Variants in TCF12 observed in about 807,000 individuals in gnomAD.
The protein encoded by TCF12 is DNA-binding protein HTF4.
TCF12 carries 45 observed loss-of-function variants against 86.0 expected under a neutral mutation model. That is an observed-to-expected ratio of 0.52 (90% CI 0.41 to 0.67). The LOEUF is 0.67. Among genes scored for constraint, TCF12 ranks in the 30% least tolerant of loss-of-function variants. The pLI, the probability that TCF12 is intolerant of heterozygous loss-of-function variation, is 0.00. For synonymous variants in TCF12, 330 were observed against 299.6 expected, an observed-to-expected ratio of 1.10 and a Z score of -1.05; for missense variants, 881 against 859.9, an observed-to-expected ratio of 1.02 and a Z score of -0.31.
At chr15:57,040,876 A>G (rs2066853902) in intron 3 of TCF12, among the ~76,000 whole-genome samples, 1 of 152,150 alleles carries the variant, frequency 6.6e-6, no homozygotes, top group Non-Finnish European at 1.5e-5. Flanking sequence ...TGTGAATGTT[A>G]TTATAGTCAA....
At chr15:57,129,238 A>C (rs1204586009) in intron 5 of TCF12, among the ~76,000 whole-genome samples, 2 of 152,184 alleles carry the variant, frequency 1.3e-5, no homozygotes, top group Admixed American at 1.3e-4. Context: ...TGAAAACCTC[A>C]CTGAGGTTTT....
At chr15:57,069,279 A>G (rs1271693813) in intron 4 of TCF12, among the ~76,000 whole-genome samples, 3 of 152,242 alleles carry the variant, frequency 2.0e-5, no homozygotes, top group African/African-American at 7.2e-5. Context: ...AGGCATCATC[A>G]GTGATCAAGA....
At chr15:57,080,789 C>G (rs2070571886) in intron 4 of TCF12, among the ~76,000 whole-genome samples, 1 of 152,156 alleles carries the variant, frequency 6.6e-6, no homozygotes. Context: ...TAATTCTTAA[C>G]TATAATTGCC....
intron 5 of TCF12, among the ~76,000 whole-genome samples, chr15:57,159,715 A>ATACGATC (rs11281583): frequency 6.6e-6 from 1 of 152,046 alleles, no homozygotes; most frequent in African/African-American, 2.4e-5. Context: ...AACCAGTCTA[A>ATACGATC]TACTTAAATT....
chr15:57,088,454 T>C (rs1422499225), intron 4 of TCF12, among the ~76,000 whole-genome samples: 1 of 152,054 alleles, frequency 6.6e-6, no homozygotes, highest in Non-Finnish European at 1.5e-5. Flanking sequence ...CATGGATGAT[T>C]ACATACATAC....
chr15:57,249,084 ATAAT>A (rs1257484128), intron 13 of TCF12, among the ~76,000 whole-genome samples: 2 of 152,194 alleles, frequency 1.3e-5, no homozygotes, highest in African/African-American at 4.8e-5. Flanking sequence ...TTCTTTTTTA[ATAAT>A]TAAAGGTATT....
intron 6 of TCF12, among the ~76,000 whole-genome samples, chr15:57,187,590 G>C (rs540721641): frequency 6.6e-6 from 1 of 152,210 alleles, no homozygotes; most frequent in East Asian, 1.9e-4. Context: ...ATTCAAAGCC[G>C]TCCTGGGCCA....
chr15:57,252,540 A>T, intron 15 of TCF12, 48 bp downstream of exon 15: 2 of 1,454,040 alleles, frequency 1.4e-6, no homozygotes, highest in Non-Finnish European at 1.9e-6. Flanking sequence ...AATTAATTAT[A>T]CTTCCCACTA....
At chr15:57,250,471 G>A (rs76769201) in intron 13 of TCF12, among the ~76,000 whole-genome samples, 8,372 of 152,256 alleles carry the variant, frequency 0.055, 650 homozygotes, top group East Asian at 0.26. Flanking sequence ...GCTGGCACCT[G>A]TAATTCCACC....
At chr15:57,285,373 CAG>C (rs1190533562) in intron 20 of TCF12, among the ~76,000 whole-genome samples, 1 of 152,152 alleles carries the variant, frequency 6.6e-6, no homozygotes, top group Non-Finnish European at 1.5e-5. Context: ...TAGAAAATTT[CAG>C]AGTTACTGCT....
intron 5 of TCF12, among the ~76,000 whole-genome samples, chr15:57,100,085 G>A (rs1333700961): frequency 1.3e-5 from 2 of 152,112 alleles, no homozygotes; most frequent in Non-Finnish European, 2.9e-5. Flanking sequence ...TAGTGGGCCA[G>A]TTGCATAGAT....
In TCF12 at chr15:56,992,132, A is replaced by G. The variant is rs751442496; in HGVS notation, c.148+71034A>G. 1.4e-4 allele frequency among the ~76,000 whole-genome samples: 21 copies of G among 151,374 alleles called. 1 individual carries two copies. The highest frequency in any genetic ancestry group is 6.4e-3 in the Middle Eastern group (2 of 312). On this transcript the variant is annotated intron_variant, in intron 3 of 20. Coordinates refer to ENST00000333725, the MANE Select transcript of TCF12 (RefSeq NM_207037.2). ...AGAAAAAAAAAAAACCTAGTTGGGC[A>G]TGGTGATGTATGCTTCTGGTCCCAC...
chr15:57,282,711 A>T, intron 20 of TCF12, 113 bp downstream of exon 20: 2 of 1,261,178 alleles, frequency 1.6e-6, no homozygotes, highest in Non-Finnish European at 2.2e-6. Context: ...TGTAAAGGTC[A>T]CATGTAATTT....
intron 4 of TCF12, among the ~76,000 whole-genome samples, chr15:57,065,192 T>C (rs1284704804): frequency 2.6e-5 from 4 of 152,208 alleles, no homozygotes; most frequent in African/African-American, 9.7e-5. Flanking sequence ...CTTTTGAGAA[T>C]CAGAGGCTGA....
At chr15:57,050,004 G>A (rs1173894012) in intron 3 of TCF12, among the ~76,000 whole-genome samples, 1 of 152,070 alleles carries the variant, frequency 6.6e-6, no homozygotes, top group East Asian at 1.9e-4. Context: ...GTTATTTTTA[G>A]GGGTTCCTCT....
chr15:57,286,586 T>A lies in TCF12; in HGVS notation c.*441T>A, dbSNP rs1192331518. 1.3e-5 allele frequency: 6 copies of A among 456,094 alleles called. No homozygotes were observed. The highest frequency in any genetic ancestry group is 1.2e-4 in the African/African-American group (6 of 50,066). 28.3% of individuals were successfully genotyped at this position (456,094 alleles called of 1,614,324 possible). On this transcript the variant is annotated 3_prime_UTR_variant, in exon 21 of 21. Transcript: ENST00000333725. ...TGTGGAAAGCTGATCTACACTCAGCTGATGCCAGCATACATTAAAGCGGTT... is the reference window on the plus strand; with the variant it reads ...TGTGGAAAGCTGATCTACACTCAGCAGATGCCAGCATACATTAAAGCGGTT...
At chr15:57,077,023 C>T (rs2070126660) in intron 4 of TCF12, among the ~76,000 whole-genome samples, 1 of 152,104 alleles carries the variant, frequency 6.6e-6, no homozygotes, top group Admixed American at 6.5e-5. Flanking sequence ...TATCTTCACA[C>T]CAATACCATA....
At chr15:57,246,018 A>AG (rs780417547) in intron 13 of TCF12, among the ~76,000 whole-genome samples, 1 of 135,290 alleles carries the variant, frequency 7.4e-6, no homozygotes, top group Non-Finnish European at 1.5e-5. Context: ...TCACTGTCAA[A>AG]GGGAAAAAAA....
intron 8 of TCF12, among the ~76,000 whole-genome samples, chr15:57,229,764 T>G (rs1253118406): frequency 1.3e-5 from 2 of 151,898 alleles, no homozygotes; most frequent in Non-Finnish European, 3.0e-5. Flanking sequence ...ACATTTTATA[T>G]ATAATTTCAT....
Sources: allele counts gnomAD v4.1 joint callset (sites outside exome capture counted in the v4.1 genomes callset), GRCh38; gene constraint gnomAD v4.1.1; transcripts MANE v1.5; gene names NCBI Gene and HGNC (gene_info 2026-07-23, HGNC 2026-07-21).